The following PTCSC3 variants were observed in gnomAD, a reference collection of about 807,000 sequenced individuals.
The protein encoded by PTCSC3 is papillary thyroid carcinoma susceptibility candidate 3 (non-protein coding).
chr14:36,175,343 T>C (rs1882264921), intron 1 of PTCSC3, among the ~76,000 whole-genome samples: 1 of 152,118 alleles, frequency 6.6e-6, no homozygotes, highest in African/African-American at 2.4e-5. Context: ...ATGCTTCACA[T>C]ATTCTGTCCC....
intron 1 of PTCSC3, among the ~76,000 whole-genome samples, chr14:36,174,288 G>A (rs1882243920): frequency 6.6e-6 from 1 of 151,980 alleles, no homozygotes; most frequent in South Asian, 2.1e-4. Context: ...CCAGATTCAG[G>A]CATGTCTATT....
intron 3 of PTCSC3, among the ~76,000 whole-genome samples, chr14:36,150,072 G>A (rs1881687946): frequency 6.6e-6 from 1 of 152,142 alleles, no homozygotes; most frequent in South Asian, 2.1e-4. Context: ...CTCAACCTGT[G>A]TCTAAAGTAG....
At chr14:36,160,592 A>T (rs934386425) in intron 2 of PTCSC3, among the ~76,000 whole-genome samples, 1 of 152,134 alleles carries the variant, frequency 6.6e-6, no homozygotes, top group Non-Finnish European at 1.5e-5. Flanking sequence ...CAAGACATCC[A>T]CTTTTAGTCT....
intron 3 of PTCSC3, among the ~76,000 whole-genome samples, chr14:36,144,569 T>A (rs1881511713): frequency 1.9e-5 from 2 of 102,592 alleles, no homozygotes; most frequent in African/African-American, 7.0e-5. Flanking sequence ...GCTGAGACAA[T>A]GGGGTTTTCT....
At chr14:36,144,450 GCTCT>G (rs1406761470) in intron 3 of PTCSC3, among the ~76,000 whole-genome samples, 1 of 127,436 alleles carries the variant, frequency 7.8e-6, no homozygotes, top group African/African-American at 2.9e-5. Flanking sequence ...TCATGATTTG[GCTCT>G]CTGTTTGTCT....
At chr14:36,147,585 A>C (rs1020251247) in intron 3 of PTCSC3, among the ~76,000 whole-genome samples, 1 of 151,806 alleles carries the variant, frequency 6.6e-6, no homozygotes, top group Non-Finnish European at 1.5e-5. Context: ...CAAAATTTTC[A>C]ACTTCTTTGC....
chr14:36,174,356 A>AT, intron 1 of PTCSC3, among the ~76,000 whole-genome samples: 1 of 152,160 alleles, frequency 6.6e-6, no homozygotes, highest in South Asian at 2.1e-4. Context: ...GTTAGGCTCA[A>AT]TTTTTATTTC....
chr14:36,165,538 T>TAACTG (rs1882068832), intron 1 of PTCSC3, among the ~76,000 whole-genome samples: 1 of 151,002 alleles, frequency 6.6e-6, no homozygotes, highest in African/African-American at 2.4e-5. Flanking sequence ...TTGTTTGCAA[T>TAACTG]CTATAAAAAA....
chr14:36,148,271 G>A (rs987708485), intron 3 of PTCSC3, among the ~76,000 whole-genome samples: 15 of 152,082 alleles, frequency 9.9e-5, no homozygotes, highest in South Asian at 4.1e-4. Flanking sequence ...CCTCGCTGCC[G>A]CCTTGCAGTT....
intron 1 of PTCSC3, among the ~76,000 whole-genome samples, chr14:36,170,969 A>C (rs1882182446): frequency 6.6e-6 from 1 of 152,122 alleles, no homozygotes; most frequent in African/African-American, 2.4e-5. Context: ...AATACCATAT[A>C]TTTCTAACTT....
chr14:36,137,470 C>T (rs560979504), intron 3 of PTCSC3, among the ~76,000 whole-genome samples: 1 of 152,148 alleles, frequency 6.6e-6, no homozygotes, highest in East Asian at 1.9e-4. Context: ...ATTATGTGTG[C>T]ATTGGAGAAG....
intron 3 of PTCSC3, among the ~76,000 whole-genome samples, chr14:36,144,225 G>A (rs28832993): frequency 0.59 from 84,014 of 142,568 alleles, 25,432 homozygotes; most frequent in Non-Finnish European, 0.66. Flanking sequence ...TGGGGATGGC[G>A]TTGAATCTGT....
rs576180194 is a variant in PTCSC3, at chr14:36,137,323, C to T, written n.323-967G>A. 3.9e-5 allele frequency among the ~76,000 whole-genome samples: 6 copies of T among 151,978 alleles called. No individual in the cohort carries two copies. In the South Asian group the frequency reaches 8.3e-4, roughly 21 times the overall value. ...AGGGAAGAACAATAGAATATGAGAT[C>T]GTAGAGATATCAAGGGGACCGTATT... On this transcript the variant is annotated intron_variant and non_coding_transcript_variant, in intron 3 of 3. Transcript: ENST00000556013.
chr14:36,135,143 C>T (rs1454030585), downstream of PTCSC3, among the ~76,000 whole-genome samples: 1 of 152,080 alleles, frequency 6.6e-6, no homozygotes, highest in Non-Finnish European at 1.5e-5. Flanking sequence ...AGAGGAAAAC[C>T]TGAAAACGTA....
At chr14:36,153,185 G>A (rs143884470) in intron 3 of PTCSC3, among the ~76,000 whole-genome samples, 15 of 152,154 alleles carry the variant, frequency 9.9e-5, no homozygotes, top group African/African-American at 3.1e-4. Context: ...TCTCTCCCTC[G>A]TCTCTTCTTA....
chr14:36,140,929 G>A (rs781105614), intron 3 of PTCSC3, among the ~76,000 whole-genome samples: 1 of 151,994 alleles, frequency 6.6e-6, no homozygotes, highest in Non-Finnish European at 1.5e-5. Flanking sequence ...TCTGTGTCTC[G>A]ACTTTTTTGA....
intron 1 of PTCSC3, among the ~76,000 whole-genome samples, chr14:36,168,292 G>A (rs143079748): frequency 2.1e-4 from 31 of 147,032 alleles, no homozygotes; most frequent in African/African-American, 6.2e-4. Flanking sequence ...ACACCCTCTC[G>A]TTAATAAAAC....
chr14:36,162,285 A>AAAAAAAAAAAAC (rs1566509723), intron 2 of PTCSC3, among the ~76,000 whole-genome samples: 1 of 139,110 alleles, frequency 7.2e-6, no homozygotes, highest in African/African-American at 2.6e-5. Flanking sequence ...AAAAAAAAAA[A>AAAAAAAAAAAAC]CTCCTGCAGC....
At chr14:36,156,801 T>C (rs1488765576) in intron 2 of PTCSC3, among the ~76,000 whole-genome samples, 1 of 152,224 alleles carries the variant, frequency 6.6e-6, no homozygotes, top group African/African-American at 2.4e-5. Context: ...ATTTTCTTTA[T>C]CCAGTCTATC....
Sources: gnomAD v4.1 joint callset for allele counts (sites outside exome capture counted in the v4.1 genomes callset) on GRCh38, gnomAD v4.1.1 for gene constraint, MANE v1.5 for transcripts, NCBI Gene and HGNC (gene_info 2026-07-23, HGNC 2026-07-21) for gene names.